Variants in FMN2 observed in about 807,000 individuals in gnomAD.
The protein encoded by FMN2 is formin-2.
In FMN2, 51 loss-of-function variants were observed where a neutral mutation model predicts 142.3. The ratio of observed to expected loss-of-function variants is 0.36; its 90% CI spans 0.29 to 0.45. The LOEUF is 0.45. Among genes scored for constraint, FMN2 ranks in the 20% least tolerant of loss-of-function variants. FMN2 has a pLI of 1.00. For synonymous variants in FMN2, 882 were observed against 869.8 expected (o/e 1.01, Z -0.25); for missense variants, 1,936 against 2,122.8 (o/e 0.91, Z 1.73).
chr1:240,327,399 C>T (rs1182176701), intron 8 of FMN2, among the ~76,000 whole-genome samples: 1 of 152,086 alleles, frequency 6.6e-6, no homozygotes, highest in Non-Finnish European at 1.5e-5. Flanking sequence ...CAAAGCAGAA[C>T]CTAGCTTTGT....
intron 16 of FMN2, among the ~76,000 whole-genome samples, chr1:240,455,975 A>T (rs923197101): frequency 6.0e-5 from 9 of 149,022 alleles, no homozygotes; most frequent in Admixed American, 4.0e-4. Flanking sequence ...ACTGTCTCAA[A>T]AATAATAATA....
At chr1:240,457,707 A>T (rs916091298) in intron 16 of FMN2, 8 of 152,244 alleles carry the variant, frequency 5.3e-5, no homozygotes, top group African/African-American at 1.9e-4. Context: ...AACCTTCCAC[A>T]TGGATGAAGC....
intron 4 of FMN2, 66 bp downstream of exon 4, chr1:240,188,328 T>C (rs4659948): frequency 0.6 from 911,181 of 1,512,090 alleles, 279,464 homozygotes; most frequent in African/African-American, 0.77. Flanking sequence ...TGTGACAGAC[T>C]CTGCGATTTA....
At chr1:240,334,015 T>C in intron 12 of FMN2, 69 bp downstream of exon 12, 3 of 1,574,242 alleles carry the variant, frequency 1.9e-6, no homozygotes, top group Non-Finnish European at 2.6e-6. Context: ...GCAGTACTTT[T>C]TGTTGTTGTT....
intron 1 of FMN2, among the ~76,000 whole-genome samples, chr1:240,097,267 T>C (rs1207777827): frequency 1.3e-5 from 2 of 152,164 alleles, no homozygotes; most frequent in Non-Finnish European, 2.9e-5. Flanking sequence ...GTGTGTGGGC[T>C]GTTGGCTTCA....
chr1:240,309,089 T>A (rs894096834), intron 8 of FMN2, among the ~76,000 whole-genome samples: 2 of 152,158 alleles, frequency 1.3e-5, no homozygotes, highest in African/African-American at 2.4e-5. Context: ...CACAGACTAA[T>A]ATAAGCAGAA....
chr1:240,207,012 C>G lies in FMN2; in HGVS notation c.2200C>G (p.Arg734Gly). Reference sequence around the variant, plus strand: ...TCTCAGGTTAGAAGAAAAGGAAGTACGGCATCATAGGATTTTAGAGGCGAA... The same window carrying G: ...TCTCAGGTTAGAAGAAAAGGAAGTAGGGCATCATAGGATTTTAGAGGCGAA... ...EALRLEEKEV[R>G]HHRILEAKSI... Residue 734 changes from arginine (R) to glycine (G), a missense_variant, in exon 5 of 18, where the codon CGG (arginine) becomes GGG (glycine). Physicochemically the swap from Arg to Gly is moderately radical, Grantham distance 125. Coordinates refer to ENST00000319653, the MANE Select transcript of FMN2 (RefSeq NM_020066.5). 1 of 1,614,126 alleles carries G rather than the reference C, an allele frequency of 6.2e-7. No individual in the cohort carries two copies. The highest frequency in any genetic ancestry group is 8.5e-7 in the Non-Finnish European group (1 of 1,180,002).
At chr1:240,198,505 A>G (rs1001164334) in intron 4 of FMN2, among the ~76,000 whole-genome samples, 1 of 152,222 alleles carries the variant, frequency 6.6e-6, no homozygotes, top group African/African-American at 2.4e-5. Context: ...TATAATTTCC[A>G]TAATTCATCA....
At chr1:240,429,967 G>GCT (rs1268017919) in intron 15 of FMN2, among the ~76,000 whole-genome samples, 5 of 151,038 alleles carry the variant, frequency 3.3e-5, no homozygotes, top group Admixed American at 3.3e-4. Flanking sequence ...CTCACTGCAA[G>GCT]CTCTGCCTCC....
intron 6 of FMN2, among the ~76,000 whole-genome samples, chr1:240,223,823 T>A (rs576710254): frequency 6.6e-6 from 1 of 152,330 alleles, no homozygotes; most frequent in East Asian, 1.9e-4. Flanking sequence ...GTGGGATCAG[T>A]GGTGATATCC....
At chr1:240,205,943 G>C (rs1178793631) in intron 4 of FMN2, among the ~76,000 whole-genome samples, 1 of 146,904 alleles carries the variant, frequency 6.8e-6, no homozygotes, top group Non-Finnish European at 1.5e-5. Flanking sequence ...TTTCCCAGGC[G>C]GGAGTGCAGT....
rs1676915134 is a variant in FMN2 at position 240,474,616 on chromosome 1, TAA to T, written c.*464_*465del. ...TTTGTATCAGTTTCATGTCTAAGTA[TAA>T]ATTTTCTATTTTAAAATTTAAGAAC... On this transcript the variant is annotated 3_prime_UTR_variant, in exon 18 of 18. Transcript: ENST00000319653. The T allele has an allele frequency of 6.5e-6, 1 of 153,150 alleles. No individual in the cohort carries two copies. Among genetic ancestry groups the T allele is most frequent in the Admixed American group, 6.5e-5 (1 of 15,316 alleles). The allele number at this position is 153,150 out of a possible 1,614,324, so 9.5% of individuals were successfully genotyped here. A position where few individuals can be genotyped will look rare whatever the true frequency, so the allele number is the denominator to read the frequency against.
intron 6 of FMN2, chr1:240,245,469 G>T (rs1668045075): frequency 2.1e-6 from 1 of 468,128 alleles, no homozygotes; most frequent in Admixed American, 2.4e-5. Flanking sequence ...AAATGCAGAG[G>T]AAGTTAGTCA....
At position 240,123,173 on chromosome 1, in the gene FMN2, C is replaced by T. The variant is rs1662352146; in HGVS notation, c.1616-6C>T. The T allele has an allele frequency of 1.2e-6, 2 of 1,613,928 alleles. No individual in the cohort carries two copies. The highest frequency in any genetic ancestry group is 2.2e-5 in the East Asian group (1 of 44,882). Reference sequence around the variant, plus strand: ...CTCGCTCTTAATGACTGTGTTTCATCTGCAGGGCGAACGCTGTTGGAGAAG... The same window carrying T: ...CTCGCTCTTAATGACTGTGTTTCATTTGCAGGGCGAACGCTGTTGGAGAAG... On this transcript the variant is annotated splice_polypyrimidine_tract_variant and splice_region_variant and intron_variant, in intron 1 of 17. Transcript: ENST00000319653.
chr1:240,283,445 G>T (rs1282522800), intron 7 of FMN2, among the ~76,000 whole-genome samples: 1 of 152,150 alleles, frequency 6.6e-6, no homozygotes, highest in Admixed American at 6.6e-5. Context: ...CGGCCTTTGT[G>T]CATTTCTGGA....
At chr1:240,118,500 C>G (rs1571944887) in intron 1 of FMN2, among the ~76,000 whole-genome samples, 1 of 152,118 alleles carries the variant, frequency 6.6e-6, no homozygotes, top group Admixed American at 6.5e-5. Flanking sequence ...CCTGGGACCC[C>G]CCTTCCTCGT....
intron 16 of FMN2, chr1:240,457,913 T>C (rs1676308766): frequency 1.3e-5 from 2 of 152,282 alleles, no homozygotes; most frequent in Non-Finnish European, 2.9e-5. Flanking sequence ...ACACTACTGC[T>C]AGTGCTAGGG....
At chr1:240,099,681 T>C (rs961906668) in intron 1 of FMN2, among the ~76,000 whole-genome samples, 1 of 152,230 alleles carries the variant, frequency 6.6e-6, no homozygotes, top group Admixed American at 6.5e-5. Context: ...AATACATGAT[T>C]CGTCTCTTTT....
intron 14 of FMN2, among the ~76,000 whole-genome samples, chr1:240,363,070 A>G (rs187724183): frequency 6.6e-6 from 1 of 152,354 alleles, no homozygotes; most frequent in East Asian, 1.9e-4. Flanking sequence ...GTAATGCTAT[A>G]CTTGAGAACA....
Sources: allele counts gnomAD v4.1 joint callset (sites outside exome capture counted in the v4.1 genomes callset), GRCh38; gene constraint gnomAD v4.1.1; transcripts MANE v1.5; gene names NCBI Gene and HGNC (gene_info 2026-07-23, HGNC 2026-07-21).